TNS4: variants seen among roughly 807,000 people sequenced by gnomAD.
The protein encoded by TNS4 is tensin 4.
A neutral mutation model predicts 70.4 loss-of-function variants in TNS4; 46 were observed. The ratio of observed to expected loss-of-function variants is 0.65; its 90% CI spans 0.52 to 0.84. The LOEUF (loss-of-function observed/expected upper bound fraction) is 0.84. TNS4 is among the 40% of genes least tolerant of loss of function. The probability of loss-of-function intolerance (pLI) is 0.00; values close to 1 mark genes in which losing one functional copy is unlikely to be tolerated. For synonymous variants in TNS4, 390 were observed against 366.6 expected (o/e 1.06, Z -0.73); for missense variants, 863 against 907.0 (o/e 0.95, Z 0.62).
intron 1 of TNS4, among the ~76,000 whole-genome samples, chr17:40,500,807 C>G (rs759673571): frequency 1.3e-5 from 2 of 152,122 alleles, no homozygotes; most frequent in Non-Finnish European, 2.9e-5. Context: ...CCCTCCCACC[C>G]AGACCCGGTG....
intron 11 of TNS4, 65 bp from the exon 12 acceptor site, chr17:40,478,398 G>C: frequency 6.3e-7 from 1 of 1,591,018 alleles, no homozygotes; most frequent in African/African-American, 1.4e-5. Flanking sequence ...CCCTGGAGGA[G>C]CAGCAGGACT....
In TNS4 at chr17:40,479,964, G is replaced by A. The variant is rs565752862; in HGVS notation, c.1742-122C>T. ...ATCCAGTGGAGCTCCTCTTAGAGCC[G>A]CCACCCAACAGAAAGTGGGTGTGTG... is the stretch of plus-strand genomic sequence containing the variant. On this transcript the variant is annotated intron_variant, in intron 9 of 12. Coordinates refer to ENST00000254051, the MANE Select transcript of TNS4 (RefSeq NM_032865.6). 42 of 1,263,722 alleles carry A rather than the reference G, an allele frequency of 3.3e-5. No individual in the cohort carries two copies. In the East Asian group the frequency reaches 4.6e-4, roughly 14 times the overall value. The allele number at this position is 1,263,722 out of a possible 1,614,324, so 78.3% of individuals were successfully genotyped here. A position where few individuals can be genotyped will look rare whatever the true frequency, so the allele number is the denominator to read the frequency against.
rs2035850100 is a variant in TNS4, at chr17:40,476,429, T to TGTGTGTGTGTGTGTGTG, written c.*1158_*1159insCACACACACACACACAC. The TGTGTGTGTGTGTGTGTG allele has an allele frequency of 4.9e-5, 4 of 81,960 alleles. No individual in the cohort carries two copies. The highest frequency in any genetic ancestry group is 3.2e-4 in the Admixed American group (3 of 9,240). The allele number at this position is 81,960 out of a possible 1,614,324, so 5.1% of individuals were successfully genotyped here. A position where few individuals can be genotyped will look rare whatever the true frequency, so the allele number is the denominator to read the frequency against. ...GTGTGTGTGTGTGTGTGTGTGTGTG[T>TGTGTGTGTGTGTGTGTG]TGGAGCGTGGGTTGGGGGAGGGCTC... is the stretch of plus-strand genomic sequence containing the variant. On this transcript the variant is annotated 3_prime_UTR_variant, in exon 13 of 13. Transcript: ENST00000254051.
rs566360392 is a variant in TNS4 at position 40,484,428 on chromosome 17, T to C, written c.1501+56A>G. ...TAGTGCCAGAGCCAGGACTGGAACCTACCACACCCCGCTGCCTCAGTGAGG... is the reference window on the plus strand; with the variant it reads ...TAGTGCCAGAGCCAGGACTGGAACCCACCACACCCCGCTGCCTCAGTGAGG... On this transcript the variant is annotated intron_variant, in intron 6 of 12. Transcript: ENST00000254051. The C allele has an allele frequency of 4.4e-6, 7 of 1,592,594 alleles. No homozygotes were observed. The African/African-American group carries it at 8.0e-5, about 18-fold the overall frequency.
intron 2 of TNS4, among the ~76,000 whole-genome samples, chr17:40,490,142 G>A (rs534031965): frequency 6.6e-6 from 1 of 152,350 alleles, no homozygotes; most frequent in Non-Finnish European, 1.5e-5. Flanking sequence ...GCATTCTTGA[G>A]CTATGGATCT....
At chr17:40,493,139 G>A (rs2036097383) in intron 2 of TNS4, among the ~76,000 whole-genome samples, 2 of 152,002 alleles carry the variant, frequency 1.3e-5, no homozygotes, top group Admixed American at 1.3e-4. Flanking sequence ...TGCACTCCAG[G>A]CTGGGCAACA....
In TNS4 at chr17:40,479,745, G is replaced by A. The variant is rs1382089594; in HGVS notation, c.1839C>T (p.Ile613=). ...KAISTTFERD[I]LPTPTVVHFK... ...AGTGGACCACGGTGGGCGTGGGGAGGATGTCCCTCTCAAAGGTGGTGGAGA... is the reference window on the plus strand; with the variant it reads ...AGTGGACCACGGTGGGCGTGGGGAGAATGTCCCTCTCAAAGGTGGTGGAGA... Residue 613 remains isoleucine, a synonymous_variant, in exon 10 of 13, where the codon ATC becomes ATT. Coordinates refer to ENST00000254051, the MANE Select transcript of TNS4 (RefSeq NM_032865.6). 6.2e-7 allele frequency: 1 copy of A among 1,614,052 alleles called. No homozygotes were observed. Among genetic ancestry groups the A allele is most frequent in the East Asian group, 2.2e-5 (1 of 44,878 alleles).
Position 40,477,645 on chromosome 17 carries a change from T to G in TNS4, c.2091A>C (p.Pro697=). The change falls in exon 13 of 13, where the codon CCA becomes CCC. Residue 697 remains proline (P), a synonymous_variant. Transcript: ENST00000254051. ...HLFAEYDMVQ[P]ASQVIGLVTA... ...TCACCAGGCCGATGACCTGCGAGGC[T>G]GGCTGGACCATGTCATACTCCGCAA... is the stretch of plus-strand genomic sequence containing the variant. 1 of 1,614,188 alleles carries G rather than the reference T, an allele frequency of 6.2e-7. No homozygotes were observed. Among genetic ancestry groups the G allele is most frequent in the Non-Finnish European group, 8.5e-7 (1 of 1,180,026 alleles).
intron 4 of TNS4, among the ~76,000 whole-genome samples, chr17:40,486,519 A>T (rs150293104): frequency 0.015 from 2,248 of 151,352 alleles, 50 homozygotes; most frequent in African/African-American, 0.052. Flanking sequence ...CTATTGCTTA[A>T]AAGGCAAATT....
chr17:40,495,944 T>C, intron 2 of TNS4, 43 bp downstream of exon 2: 1 of 1,559,620 alleles, frequency 6.4e-7, no homozygotes, highest in Non-Finnish European at 8.7e-7. Flanking sequence ...TCATGAGGTC[T>C]GGCACCAAGC....
At chr17:40,492,290 C>T (rs866968105) in intron 2 of TNS4, among the ~76,000 whole-genome samples, 4 of 152,188 alleles carry the variant, frequency 2.6e-5, no homozygotes. Flanking sequence ...GTACCCACCC[C>T]GAGCCTCAGT....
chr17:40,478,762 T>C, intron 10 of TNS4, 114 bp from the exon 11 acceptor site: 1 of 1,235,190 alleles, frequency 8.1e-7, no homozygotes, highest in Non-Finnish European at 1.2e-6. Context: ...AAGAAGTCTC[T>C]GGGTTAGACC....
rs80237369 is a variant in TNS4, at chr17:40,493,607, C to T, written c.439+2380G>A. On this transcript the variant is annotated intron_variant, in intron 2 of 12. Coordinates refer to ENST00000254051, the MANE Select transcript of TNS4 (RefSeq NM_032865.6). ...CGTTAGAGGAAGAGATTTTTTTTCT[C>T]CATCAGAAGGGGCCAGGGCACAGAG... Among the ~76,000 whole-genome samples the T allele has an allele frequency of 6.7e-3, 1,025 of 152,166 alleles. 13 individuals carry two copies. The highest frequency in any genetic ancestry group is 0.024 in the African/African-American group (989 of 41,522).
rs571467448 is a variant in TNS4, at chr17:40,478,480, C to G, written c.1979+100G>C. The G allele has an allele frequency of 8.3e-5, 128 of 1,541,222 alleles. 1 individual carries two copies. In the African/African-American group the frequency reaches 1.6e-3, roughly 19 times the overall value. ...TGTCACCCTGACCCCTTGAGGTTCA[C>G]AGGCTCCCTCTGGGATCCCAGGCCC... On this transcript the variant is annotated intron_variant, in intron 11 of 12. Coordinates refer to ENST00000254051, the MANE Select transcript of TNS4 (RefSeq NM_032865.6).
At chr17:40,478,691 C>T in intron 10 of TNS4, 43 bp from the exon 11 acceptor site, 11 of 1,600,902 alleles carry the variant, frequency 6.9e-6, no homozygotes, top group South Asian at 1.1e-5. Flanking sequence ...GACAGCCTGT[C>T]CCAGTGTCAT....
rs1197642521 is a variant in TNS4 at position 40,478,567 on chromosome 17, G to C, written c.1979+13C>G. 6 of 1,614,078 alleles carry C rather than the reference G, an allele frequency of 3.7e-6. No individual in the cohort carries two copies. The East Asian group carries it at 1.3e-4, about 36-fold the overall frequency. On this transcript the variant is annotated intron_variant, in intron 11 of 12. Coordinates refer to ENST00000254051, the MANE Select transcript of TNS4 (RefSeq NM_032865.6). ...TGGACAGCCTTCTTAGTTTGGCCCAGCCTTGAACTTACTTCCGTTGCTCAG... is the reference window on the plus strand; with the variant it reads ...TGGACAGCCTTCTTAGTTTGGCCCACCCTTGAACTTACTTCCGTTGCTCAG...
In TNS4 at chr17:40,482,222, C is replaced by T; in HGVS notation, c.1595-16G>A. ...GAGAGGCTCCCTGAAAGGAAGCAAG[C>T]AGCCCTGCATGAGTAGAGCTTCCCC... On this transcript the variant is annotated splice_polypyrimidine_tract_variant and intron_variant, in intron 7 of 12. Coordinates refer to ENST00000254051, the MANE Select transcript of TNS4 (RefSeq NM_032865.6). 5.6e-6 allele frequency: 9 copies of T among 1,614,182 alleles called. No homozygotes were observed. Among genetic ancestry groups the T allele is most frequent in the Non-Finnish European group, 7.6e-6 (9 of 1,180,022 alleles).
At chr17:40,484,640 C>T in intron 5 of TNS4, 31 bp from the exon 6 acceptor site, 1 of 1,609,118 alleles carries the variant, frequency 6.2e-7, no homozygotes. Flanking sequence ...GAGATGGACA[C>T]CGCCCCACCT....
At chr17:40,495,935 C>T in intron 2 of TNS4, 52 bp downstream of exon 2, 1 of 1,540,438 alleles carries the variant, frequency 6.5e-7, no homozygotes, top group Middle Eastern at 1.8e-4. Context: ...CCTTCTTCCT[C>T]ATGAGGTCTG....
Sources: allele counts gnomAD v4.1 joint callset (sites outside exome capture counted in the v4.1 genomes callset), GRCh38; gene constraint gnomAD v4.1.1; transcripts MANE v1.5; gene names NCBI Gene and HGNC (gene_info 2026-07-23, HGNC 2026-07-21).